Variants in TOM1 observed in about 807,000 individuals in gnomAD.
The protein encoded by TOM1 is target of myb1 membrane trafficking protein.
TOM1 carries 38 observed loss-of-function variants against 61.3 expected under a neutral mutation model. That is an observed-to-expected ratio of 0.62 (90% CI 0.48 to 0.81). The LOEUF (loss-of-function observed/expected upper bound fraction) is 0.81, where lower values mean the gene tolerates loss of function less well. TOM1 is among the 40% of genes least tolerant of loss of function. TOM1 has a pLI of 0.00. For synonymous variants in TOM1, 270 were observed against 268.8 expected (o/e 1.00, Z -0.04); for missense variants, 591 against 659.6 (o/e 0.90, Z 1.14).
At chr22:35,321,922 C>T (rs139733763) in intron 2 of TOM1, 37 bp from the exon 3 acceptor site, 3 of 1,570,214 alleles carry the variant, frequency 1.9e-6, no homozygotes, top group Non-Finnish European at 2.6e-6. Flanking sequence ...TAAGGGGGCT[C>T]TATTCCTAAG....
At chr22:35,316,481 G>T (rs191229582) in intron 1 of TOM1, among the ~76,000 whole-genome samples, 1 of 152,170 alleles carries the variant, frequency 6.6e-6, no homozygotes, top group East Asian at 1.9e-4. Flanking sequence ...GAGTTCCTGC[G>T]TTCATCATTC....
intron 1 of TOM1, among the ~76,000 whole-genome samples, chr22:35,316,867 C>T (rs1927340787): frequency 6.6e-6 from 1 of 152,114 alleles, no homozygotes; most frequent in African/African-American, 2.4e-5. Flanking sequence ...CGTGCTGATA[C>T]CTTACTGTGC....
intron 3 of TOM1, 99 bp from the exon 4 acceptor site, chr22:35,322,929 G>C (rs1927932055): frequency 7.0e-7 from 1 of 1,427,502 alleles, no homozygotes; most frequent in African/African-American, 1.4e-5. Flanking sequence ...CCTCTCCCGG[G>C]CCTCCTCTCT....
At chr22:35,314,329 C>G (rs1927097688) in intron 1 of TOM1, among the ~76,000 whole-genome samples, 1 of 152,114 alleles carries the variant, frequency 6.6e-6, no homozygotes, top group Admixed American at 6.5e-5. Context: ...GGCCACATAT[C>G]CCCTCCCACC....
At chr22:35,311,404 G>C (rs1926806675) in intron 1 of TOM1, among the ~76,000 whole-genome samples, 1 of 152,206 alleles carries the variant, frequency 6.6e-6, no homozygotes, top group African/African-American at 2.4e-5. Flanking sequence ...GCAGTTTCAG[G>C]GTGGGTTTGA....
intron 1 of TOM1, among the ~76,000 whole-genome samples, chr22:35,300,704 G>C (rs1000664686): frequency 6.6e-6 from 1 of 152,212 alleles, no homozygotes; most frequent in African/African-American, 2.4e-5. Context: ...CCTGTCTGCT[G>C]GTCCGTGGTT....
chr22:35,304,811 A>T (rs138751), intron 1 of TOM1, among the ~76,000 whole-genome samples: 78,216 of 152,062 alleles, frequency 0.51, 22,938 homozygotes, highest in Non-Finnish European at 0.65. Context: ...ATATCAAGAA[A>T]CCCATTTTCC....
At chr22:35,311,553 G>C (rs981007975) in intron 1 of TOM1, among the ~76,000 whole-genome samples, 3 of 152,220 alleles carry the variant, frequency 2.0e-5, no homozygotes, top group Non-Finnish European at 4.4e-5. Context: ...GAGCACCTAG[G>C]CAGTGCAGAG....
At chr22:35,314,200 AG>A (rs1251573839) in intron 1 of TOM1, among the ~76,000 whole-genome samples, 1 of 134,400 alleles carries the variant, frequency 7.4e-6, no homozygotes, top group African/African-American at 2.5e-5. Context: ...GGGGTTGGCA[AG>A]TGATGGTCTG....
intron 1 of TOM1, among the ~76,000 whole-genome samples, chr22:35,309,969 G>A (rs1196675599): frequency 2.6e-5 from 4 of 152,200 alleles, no homozygotes; most frequent in African/African-American, 9.7e-5. Flanking sequence ...GCTAAATGCT[G>A]TGAGCCCAGG....
At chr22:35,341,248 G>A (rs2145719070) in intron 12 of TOM1, among the ~76,000 whole-genome samples, 1 of 152,312 alleles carries the variant, frequency 6.6e-6, no homozygotes, top group South Asian at 2.1e-4. Context: ...GAAACCACAG[G>A]TGTACTGTCC....
At chr22:35,305,227 C>T (rs1483212502) in intron 1 of TOM1, among the ~76,000 whole-genome samples, 1 of 152,234 alleles carries the variant, frequency 6.6e-6, no homozygotes, top group African/African-American at 2.4e-5. Context: ...CTAACTATGT[C>T]ACGGTCCCTC....
chr22:35,303,202 C>T (rs190031725), intron 1 of TOM1, among the ~76,000 whole-genome samples: 1 of 152,060 alleles, frequency 6.6e-6, no homozygotes, highest in East Asian at 1.9e-4. Context: ...TGTGCCCCCA[C>T]TGAGGAGCTC....
intron 12 of TOM1, among the ~76,000 whole-genome samples, chr22:35,343,753 C>CACATGCATCTACA (rs1569041665): frequency 6.9e-6 from 1 of 144,566 alleles, no homozygotes; most frequent in Admixed American, 6.9e-5. Flanking sequence ...ACACACACAC[C>CACATGCATCTACA]CCTACACCTA....
chr22:35,314,913 GT>G (rs1927155467), intron 1 of TOM1, among the ~76,000 whole-genome samples: 2 of 152,250 alleles, frequency 1.3e-5, no homozygotes, highest in Admixed American at 1.3e-4. Flanking sequence ...ACACCTTACA[GT>G]GTGTTAAAAT....
chr22:35,345,932 G>A, intron 13 of TOM1, 148 bp downstream of exon 13: 2 of 839,478 alleles, frequency 2.4e-6, no homozygotes, highest in Admixed American at 2.1e-5. Flanking sequence ...CCTGCCACCT[G>A]CCCACCTTGT....
intron 8 of TOM1, chr22:35,331,249 C>T: frequency 2.3e-6 from 1 of 441,982 alleles, no homozygotes; most frequent in Non-Finnish European, 4.5e-6. Flanking sequence ...GCATGCACCA[C>T]CACACCCAGC....
In TOM1 at chr22:35,337,148, G is replaced by A. The variant is rs548257583; in HGVS notation, c.1149-1565G>A. 3.9e-5 allele frequency among the ~76,000 whole-genome samples: 6 copies of A among 152,228 alleles called. No individual in the cohort carries two copies. In the East Asian group the frequency reaches 9.7e-4, roughly 25 times the overall value. ...AGACGGGGTTTCACCATGTTAGCCAGCATGGTCTCGATCTCCTGACCTCGT... is the reference window on the plus strand; with the variant it reads ...AGACGGGGTTTCACCATGTTAGCCAACATGGTCTCGATCTCCTGACCTCGT... On this transcript the variant is annotated intron_variant, in intron 11 of 14. Transcript: ENST00000449058.
At chr22:35,345,861 GGTAGACTTA>G in intron 13 of TOM1, 77 bp downstream of exon 13, 1 of 1,502,684 alleles carries the variant, frequency 6.7e-7, no homozygotes, top group Admixed American at 1.7e-5. Context: ...ATGGGGCCAG[GGTAGACTTA>G]TATAGCATAT....
Sources: allele counts gnomAD v4.1 joint callset (sites outside exome capture counted in the v4.1 genomes callset), GRCh38; gene constraint gnomAD v4.1.1; transcripts MANE v1.5; gene names NCBI Gene and HGNC (gene_info 2026-07-23, HGNC 2026-07-21).